MTUS2: variants seen among roughly 807,000 people sequenced by gnomAD.
MTUS2 encodes the protein microtubule associated scaffold protein 2.
MTUS2 carries 40 observed loss-of-function variants against 114.1 expected under a neutral mutation model. The observed-to-expected ratio is 0.35, with a 90% CI of 0.27 to 0.46. The LOEUF is 0.46. MTUS2 is among the 20% of genes least tolerant of loss of function. The pLI, the probability that MTUS2 is intolerant of heterozygous loss-of-function variation, is 1.00. For synonymous variants in MTUS2, 688 were observed against 672.0 expected (o/e 1.02, Z -0.37); for missense variants, 1,679 against 1,705.4 (o/e 0.98, Z 0.27).
intron 2 of MTUS2, among the ~76,000 whole-genome samples, chr13:28,994,801 G>A (rs949981550): frequency 1.3e-5 from 2 of 151,962 alleles, no homozygotes; most frequent in Non-Finnish European, 2.9e-5. Context: ...CTGGATATTA[G>A]CCCTTTGTCA....
At chr13:28,922,570 C>T (rs1277750234) in intron 2 of MTUS2, among the ~76,000 whole-genome samples, 1 of 152,186 alleles carries the variant, frequency 6.6e-6, no homozygotes, top group Non-Finnish European at 1.5e-5. Flanking sequence ...TGGGCATCTG[C>T]TGGGTGCGCT....
rs918950234 is a variant in MTUS2, at chr13:28,956,694, T to C, written c.-242-67763T>C. Among the ~76,000 whole-genome samples, 14 of 151,822 alleles carry C rather than the reference T, an allele frequency of 9.2e-5. No individual in the cohort carries two copies. In the East Asian group the frequency reaches 2.7e-3, roughly 29 times the overall value. On this transcript the variant is annotated intron_variant, in intron 2 of 15. Transcript: ENST00000612955. ...TGTAACTTGGAGGATTAAAGGGAGA[T>C]AGAGGGAGTGAGGGAGCAGTGGGAG...
In MTUS2 at chr13:29,223,240, A is replaced by G. The variant is rs1274953090; in HGVS notation, c.2645-58464A>G. On this transcript the variant is annotated intron_variant, in intron 5 of 15. Coordinates refer to ENST00000612955, the MANE Select transcript of MTUS2 (RefSeq NM_001033602.4). ...GCCTGTCCATGGCCACCCATGGACA[A>G]ATCAGCATGGAATTTCTCCCCTCTG... Among the ~76,000 whole-genome samples the G allele has an allele frequency of 2.0e-5, 3 of 152,134 alleles. No homozygotes were observed. The East Asian group carries it at 5.8e-4, about 29-fold the overall frequency.
At chr13:29,292,071 G>A (rs1323743670) in intron 6 of MTUS2, among the ~76,000 whole-genome samples, 1 of 152,214 alleles carries the variant, frequency 6.6e-6, no homozygotes, top group Non-Finnish European at 1.5e-5. Context: ...CAGAAGGTAG[G>A]CATGCAGATT....
At chr13:29,065,657 G>A (rs1888631559) in intron 4 of MTUS2, among the ~76,000 whole-genome samples, 1 of 152,204 alleles carries the variant, frequency 6.6e-6, no homozygotes, top group Non-Finnish European at 1.5e-5. Flanking sequence ...TGGGATTGCA[G>A]TAATTTTTAA....
intron 2 of MTUS2, among the ~76,000 whole-genome samples, chr13:28,977,659 A>G (rs1884177185): frequency 6.6e-6 from 1 of 152,160 alleles, no homozygotes; most frequent in Non-Finnish European, 1.5e-5. Flanking sequence ...TATCAGGTGG[A>G]GATGAAAGCC....
intron 4 of MTUS2, among the ~76,000 whole-genome samples, chr13:29,096,732 A>G (rs1402279088): frequency 6.6e-6 from 1 of 152,136 alleles, no homozygotes; most frequent in African/African-American, 2.4e-5. Context: ...CTCAGTCACC[A>G]TTCTGAAGCT....
chr13:29,001,944 T>A lies in MTUS2; in HGVS notation c.-242-22513T>A, dbSNP rs1885403992. Among the ~76,000 whole-genome samples, 6 of 152,132 alleles carry A rather than the reference T, an allele frequency of 3.9e-5. No homozygotes were observed. The South Asian group carries it at 6.2e-4, about 16-fold the overall frequency. Reference sequence around the variant, plus strand: ...TCAGGTCGCCTCTGTATCTCACATTTTGTGAGATACATTTCTCCAGCTTTT... The same window carrying A: ...TCAGGTCGCCTCTGTATCTCACATTATGTGAGATACATTTCTCCAGCTTTT... On this transcript the variant is annotated intron_variant, in intron 2 of 15. Coordinates refer to ENST00000612955, the MANE Select transcript of MTUS2 (RefSeq NM_001033602.4).
intron 5 of MTUS2, among the ~76,000 whole-genome samples, chr13:29,116,155 A>G (rs925367323): frequency 6.6e-6 from 1 of 152,316 alleles, no homozygotes; most frequent in African/African-American, 2.4e-5. Context: ...GCTAGGGGCT[A>G]TATGGGGTTC....
intron 5 of MTUS2, chr13:29,239,482 A>G (rs1339953730): frequency 6.6e-6 from 1 of 152,220 alleles, no homozygotes; most frequent in African/African-American, 2.4e-5. Context: ...TATAGGAACT[A>G]TGCACAATAT....
At chr13:29,424,625 T>C (rs1042065969) in intron 8 of MTUS2, among the ~76,000 whole-genome samples, 3 of 152,176 alleles carry the variant, frequency 2.0e-5, no homozygotes, top group African/African-American at 7.2e-5. Flanking sequence ...CCCGACAGAA[T>C]GAAACATGAA....
intron 8 of MTUS2, chr13:29,428,877 T>C (rs531051588): frequency 6.2e-7 from 1 of 1,614,088 alleles, no homozygotes; most frequent in African/African-American, 1.3e-5. Flanking sequence ...TATAACTGCC[T>C]TCAGTGCCTG....
chr13:28,928,204 T>G (rs1034586153), intron 2 of MTUS2, among the ~76,000 whole-genome samples: 3 of 151,522 alleles, frequency 2.0e-5, no homozygotes, highest in Admixed American at 6.6e-5. Flanking sequence ...AAAAAAAAAT[T>G]TTGTGTAAGA....
intron 7 of MTUS2, among the ~76,000 whole-genome samples, chr13:29,342,878 G>C (rs1337636978): frequency 6.6e-6 from 1 of 151,964 alleles, no homozygotes; most frequent in Non-Finnish European, 1.5e-5. Flanking sequence ...AGGGATGGTG[G>C]ATTTTGTCAA....
intron 5 of MTUS2, among the ~76,000 whole-genome samples, chr13:29,113,389 A>G (rs916541189): frequency 1.3e-5 from 2 of 152,190 alleles, no homozygotes; most frequent in Non-Finnish European, 2.9e-5. Flanking sequence ...TCGCTACTAT[A>G]GTCAAATTGC....
At chr13:29,402,551 G>A (rs536694334) in intron 8 of MTUS2, among the ~76,000 whole-genome samples, 3 of 152,230 alleles carry the variant, frequency 2.0e-5, no homozygotes, top group Non-Finnish European at 4.4e-5. Flanking sequence ...TGCCGATGGC[G>A]GAGTTGCAGG....
intron 5 of MTUS2, among the ~76,000 whole-genome samples, chr13:29,281,231 A>G (rs546581499): frequency 6.6e-6 from 1 of 152,270 alleles, no homozygotes; most frequent in Admixed American, 6.5e-5. Context: ...GGGATCTCTG[A>G]ATAAAATTCC....
intron 8 of MTUS2, among the ~76,000 whole-genome samples, chr13:29,411,035 T>C (rs931026156): frequency 6.6e-6 from 1 of 152,182 alleles, no homozygotes; most frequent in Non-Finnish European, 1.5e-5. Flanking sequence ...TTTCGCCATG[T>C]TGGCCCAGCT....
At chr13:29,093,402 C>G (rs1890048291) in intron 4 of MTUS2, among the ~76,000 whole-genome samples, 1 of 152,146 alleles carries the variant, frequency 6.6e-6, no homozygotes, top group African/African-American at 2.4e-5. Flanking sequence ...GAGATCATGC[C>G]ACTGCTCTCC....
Sources: gnomAD v4.1 joint callset for allele counts (sites outside exome capture counted in the v4.1 genomes callset) on GRCh38, gnomAD v4.1.1 for gene constraint, MANE v1.5 for transcripts, NCBI Gene and HGNC (gene_info 2026-07-23, HGNC 2026-07-21) for gene names.